Variants in PPP1R1C observed in about 807,000 individuals in gnomAD.
PPP1R1C encodes protein phosphatase 1 regulatory inhibitor subunit 1C.
PPP1R1C carries 15 observed loss-of-function variants against 17.4 expected under a neutral mutation model. That is an observed-to-expected ratio of 0.86 (90% CI 0.58 to 1.33). The LOEUF (loss-of-function observed/expected upper bound fraction) is 1.33, where lower values mean the gene tolerates loss of function less well. Ranked by LOEUF, PPP1R1C falls within the 40% of genes most tolerant of loss-of-function variation. The pLI is 0.00. For synonymous variants in PPP1R1C, 35 were observed against 43.1 expected (o/e 0.81, Z 0.73); for missense variants, 143 against 130.0 (o/e 1.10, Z -0.48).
chr2:182,079,391 G>T (rs777389707), intron 4 of PPP1R1C, among the ~76,000 whole-genome samples: 3 of 152,152 alleles, frequency 2.0e-5, no homozygotes, highest in Non-Finnish European at 2.9e-5. Flanking sequence ...GTAATGCTGC[G>T]CTGTGTCTTG....
At chr2:182,055,121 T>C (rs942487895) in intron 2 of PPP1R1C, among the ~76,000 whole-genome samples, 1 of 152,176 alleles carries the variant, frequency 6.6e-6, no homozygotes, top group Non-Finnish European at 1.5e-5. Context: ...ATTTTTATAA[T>C]TCCATTTTGA....
At chr2:181,985,715 G>A (rs1042723370), upstream of PPP1R1C, among the ~76,000 whole-genome samples, 2 of 152,122 alleles carry the variant, frequency 1.3e-5, no homozygotes, top group African/African-American at 2.4e-5. The surrounding 1 kb of genome is among the most constrained non-coding windows in gnomAD (Gnocchi z 4.1). Context: ...TTGAGCAGCC[G>A]GTTAGTAATG....
Position 181,986,024 on chromosome 2 carries a change from A to G in PPP1R1C, c.-87A>G. On this transcript the variant is annotated 5_prime_UTR_variant, in exon 1 of 5. Transcript: ENST00000682840. ...CGAAGCACTCTGTGTGGCTTAGTGG[A>G]GTGTGTCTGAGGAAACACATCCCGG... 1 of 965,416 alleles carries G rather than the reference A, an allele frequency of 1.0e-6. No homozygotes were observed. 59.8% of individuals were successfully genotyped at this position (965,416 alleles called of 1,614,324 possible).
chr2:182,035,408 T>C (rs1686973668), intron 2 of PPP1R1C, among the ~76,000 whole-genome samples: 1 of 152,194 alleles, frequency 6.6e-6, no homozygotes, highest in Non-Finnish European at 1.5e-5. Flanking sequence ...TTAAAAGAAA[T>C]TGCCATGAGG....
chr2:182,005,458 A>G (rs1304747577), intron 2 of PPP1R1C, among the ~76,000 whole-genome samples: 2 of 152,108 alleles, frequency 1.3e-5, no homozygotes, highest in Non-Finnish European at 2.9e-5. Context: ...TGGGAGCAAC[A>G]TTTTTCATTC....
chr2:182,041,704 A>G (rs1687189406), intron 2 of PPP1R1C, among the ~76,000 whole-genome samples: 1 of 152,124 alleles, frequency 6.6e-6, no homozygotes, highest in African/African-American at 2.4e-5. Context: ...AAGTTTAAAA[A>G]TAAGAAAAGA....
At chr2:182,060,122 C>T (rs1203057959) in intron 2 of PPP1R1C, among the ~76,000 whole-genome samples, 1 of 152,076 alleles carries the variant, frequency 6.6e-6, no homozygotes, top group Non-Finnish European at 1.5e-5. Context: ...TTGCATCAGA[C>T]ACTTGTGATT....
chr2:182,102,508 T>C (rs1323417521), intron 4 of PPP1R1C, among the ~76,000 whole-genome samples: 1 of 152,158 alleles, frequency 6.6e-6, no homozygotes, highest in Non-Finnish European at 1.5e-5. Flanking sequence ...AATAAAAGAA[T>C]AAATATCCAA....
At chr2:182,081,349 C>T (rs575157843) in intron 4 of PPP1R1C, among the ~76,000 whole-genome samples, 4 of 152,124 alleles carry the variant, frequency 2.6e-5, no homozygotes, top group African/African-American at 9.6e-5. Flanking sequence ...GTTTCAGTTT[C>T]CGGGTGAATA....
chr2:181,955,010 AG>A (rs1241272475), intron 1 of PPP1R1C, among the ~76,000 whole-genome samples: 3 of 152,196 alleles, frequency 2.0e-5, no homozygotes, highest in African/African-American at 7.2e-5. Flanking sequence ...GTCTCATCCT[AG>A]GTGACCTCTG....
chr2:182,109,650 G>A (rs903038370), intron 4 of PPP1R1C, among the ~76,000 whole-genome samples: 1 of 152,166 alleles, frequency 6.6e-6, no homozygotes, highest in Non-Finnish European at 1.5e-5. Flanking sequence ...AAGATTAGTT[G>A]ACTACATTTA....
chr2:182,079,578 T>C (rs920353532), intron 4 of PPP1R1C, among the ~76,000 whole-genome samples: 2 of 152,242 alleles, frequency 1.3e-5, no homozygotes, highest in Non-Finnish European at 2.9e-5. Flanking sequence ...GTGCTTCATT[T>C]TCTTTGCTTC....
At chr2:182,078,242 GTCT>G (rs1688373357) in intron 4 of PPP1R1C, among the ~76,000 whole-genome samples, 1 of 152,126 alleles carries the variant, frequency 6.6e-6, no homozygotes, top group Non-Finnish European at 1.5e-5. Context: ...GCAACAGAAA[GTCT>G]TCTTATTTTT....
intron 4 of PPP1R1C, among the ~76,000 whole-genome samples, chr2:182,065,664 G>A (rs1461763934): frequency 6.6e-6 from 1 of 151,932 alleles, no homozygotes; most frequent in Admixed American, 6.6e-5. Flanking sequence ...GAGGCTATAG[G>A]GCATTATGAT....
rs75645564 is a variant in PPP1R1C at position 182,079,052 on chromosome 2, T to G, written c.241+15261T>G. Among the ~76,000 whole-genome samples the G allele has an allele frequency of 1.5e-3, 236 of 152,370 alleles. 7 individuals carry two copies. In the East Asian group the frequency reaches 0.041, roughly 26 times the overall value. On this transcript the variant is annotated intron_variant, in intron 4 of 4. Coordinates refer to ENST00000682840, the MANE Select transcript of PPP1R1C (RefSeq NM_001080545.3). ...CTGCAATCAAATTCTATTTATTTTT[T>G]GATATGGAGACAAGATCAGAAATAT...
At chr2:182,097,423 T>C (rs1378305207) in intron 4 of PPP1R1C, among the ~76,000 whole-genome samples, 1 of 152,192 alleles carries the variant, frequency 6.6e-6, no homozygotes, top group Non-Finnish European at 1.5e-5. Context: ...ATCGCTTCTG[T>C]ATAGTACAAA....
At chr2:182,042,481 C>T in intron 2 of PPP1R1C, among the ~76,000 whole-genome samples, 1 of 152,140 alleles carries the variant, frequency 6.6e-6, no homozygotes, top group Non-Finnish European at 1.5e-5. Flanking sequence ...TCTAGCCTAC[C>T]TTGCTGGGGC....
chr2:182,047,845 A>G (rs1429070442), intron 2 of PPP1R1C, among the ~76,000 whole-genome samples: 1 of 152,214 alleles, frequency 6.6e-6, no homozygotes, highest in Non-Finnish European at 1.5e-5. Context: ...AAATATAAGC[A>G]GAAAGGTAGT....
chr2:182,050,700 C>T (rs931380145), intron 2 of PPP1R1C, among the ~76,000 whole-genome samples: 1 of 152,176 alleles, frequency 6.6e-6, no homozygotes, highest in Non-Finnish European at 1.5e-5. Flanking sequence ...TTACCTCAGT[C>T]ATATCTGTTC....
Sources: allele counts gnomAD v4.1 joint callset (sites outside exome capture counted in the v4.1 genomes callset), GRCh38; gene constraint gnomAD v4.1.1; non-coding constraint Gnocchi (gnomAD v3.1); transcripts MANE v1.5; gene names NCBI Gene and HGNC (gene_info 2026-07-23, HGNC 2026-07-21).